FBXO42: variants seen among roughly 807,000 people sequenced by gnomAD.
FBXO42 encodes F-box protein 42.
FBXO42 carries 12 observed loss-of-function variants against 71.7 expected under a neutral mutation model. The ratio of observed to expected loss-of-function variants is 0.17; its 90% CI spans 0.11 to 0.27. FBXO42 has a LOEUF of 0.27. Ranked by LOEUF, FBXO42 falls within the 10% of genes least tolerant of loss-of-function variation. The probability of loss-of-function intolerance (pLI) is 1.00; values close to 1 mark genes in which losing one functional copy is unlikely to be tolerated. For missense variants in FBXO42, 707 were observed against 911.9 expected (o/e 0.78, Z 2.89); for synonymous variants, 325 against 327.5 (o/e 0.99, Z 0.08).
In FBXO42 at chr1:16,337,858, T is replaced by A. The variant is rs191877396; in HGVS notation, c.-18+14397A>T. 7.6e-3 allele frequency among the ~76,000 whole-genome samples: 801 copies of A among 104,930 alleles called. 5 individuals are homozygous for A. The highest frequency in any genetic ancestry group is 0.028 in the African/African-American group (767 of 27,454). 68.8% of individuals were successfully genotyped at this position (104,930 alleles called of 152,430 possible). Reference sequence around the variant, plus strand: ...GAGATCGCGCCACTGTACTCCAGCCTGGGAGAAAGAGCGAGACTCCGTCTC... The same window carrying A: ...GAGATCGCGCCACTGTACTCCAGCCAGGGAGAAAGAGCGAGACTCCGTCTC... On this transcript the variant is annotated intron_variant, in intron 1 of 9. Coordinates refer to ENST00000375592, the MANE Select transcript of FBXO42 (RefSeq NM_018994.3).
chr1:16,331,402 G>T (rs186144200), intron 1 of FBXO42, among the ~76,000 whole-genome samples: 1 of 149,336 alleles, frequency 6.7e-6, no homozygotes, highest in African/African-American at 2.5e-5. Context: ...GCGACAGAGC[G>T]AGACTCTGTC....
intron 4 of FBXO42, chr1:16,292,782 G>A (rs1212795003): frequency 1.3e-5 from 2 of 152,168 alleles, no homozygotes; most frequent in Non-Finnish European, 2.9e-5. Flanking sequence ...AATAAAGACA[G>A]TAATAGTATT....
intron 4 of FBXO42, among the ~76,000 whole-genome samples, chr1:16,282,220 C>CTTTTTTT (rs58853820): frequency 7.3e-6 from 1 of 136,250 alleles, no homozygotes; most frequent in African/African-American, 2.9e-5. Context: ...GAGACATTTT[C>CTTTTTTT]TTTTTTTTTT....
Position 16,247,320 on chromosome 1 carries a change from T to C in FBXO42, c.*3350A>G, listed in dbSNP as rs916867523. The C allele has an allele frequency of 2.6e-5, 4 of 152,074 alleles. No individual in the cohort carries two copies. Among genetic ancestry groups the C allele is most frequent in the African/African-American group, 7.3e-5 (3 of 41,368 alleles). The allele number at this position is 152,074 out of a possible 1,614,324, so 9.4% of individuals were successfully genotyped here. A position where few individuals can be genotyped will look rare whatever the true frequency, so the allele number is the denominator to read the frequency against. On this transcript the variant is annotated 3_prime_UTR_variant, in exon 10 of 10. Coordinates refer to ENST00000375592, the MANE Select transcript of FBXO42 (RefSeq NM_018994.3). ...TGCGCTGGTAAGAGACCATGGATAATGCAAAGTGGAGCATATCACCATGCC... is the reference window on the plus strand; with the variant it reads ...TGCGCTGGTAAGAGACCATGGATAACGCAAAGTGGAGCATATCACCATGCC...
intron 4 of FBXO42, among the ~76,000 whole-genome samples, chr1:16,264,649 G>A (rs1180643896): frequency 6.6e-6 from 1 of 152,140 alleles, no homozygotes; most frequent in African/African-American, 2.4e-5. Context: ...ACCCTCATGG[G>A]CTTCATTCCC....
chr1:16,310,193 CA>C lies in FBXO42; in HGVS notation c.251-4275del, dbSNP rs558283325. On this transcript the variant is annotated intron_variant, in intron 2 of 9. Coordinates refer to ENST00000375592, the MANE Select transcript of FBXO42 (RefSeq NM_018994.3). ...TGGGCAACAGAGCAAGACTCCATCTCAAAAAAAAAAAAAAAAAATTAGCCGG... is the reference window on the plus strand; with the variant it reads ...TGGGCAACAGAGCAAGACTCCATCTCAAAAAAAAAAAAAAAAATTAGCCGG... Among the ~76,000 whole-genome samples, 762 of 91,054 alleles carry C rather than the reference CA, an allele frequency of 8.4e-3. 2 individuals are homozygous for C. Among genetic ancestry groups the C allele is most frequent in the African/African-American group, 8.2e-3 (196 of 23,876 alleles). 59.7% of individuals were successfully genotyped at this position (91,054 alleles called of 152,430 possible). A position where few individuals can be genotyped will look rare whatever the true frequency, so the allele number is the denominator to read the frequency against.
chr1:16,262,335 T>C (rs1342941261), intron 4 of FBXO42, among the ~76,000 whole-genome samples: 1 of 152,218 alleles, frequency 6.6e-6, no homozygotes, highest in African/African-American at 2.4e-5. Context: ...TATTTCATAC[T>C]TTGAATTTGT....
At chr1:16,269,177 T>C (rs1331031798) in intron 4 of FBXO42, among the ~76,000 whole-genome samples, 1 of 149,564 alleles carries the variant, frequency 6.7e-6, no homozygotes, top group Non-Finnish European at 1.5e-5. Flanking sequence ...CAATTTCAGC[T>C]CCTGGGTTCA....
intron 1 of FBXO42, among the ~76,000 whole-genome samples, chr1:16,331,799 C>A (rs1053103113): frequency 6.6e-6 from 1 of 151,950 alleles, no homozygotes; most frequent in Non-Finnish European, 1.5e-5. Flanking sequence ...GCCTGTAATC[C>A]CAGCACTTTG....
At chr1:16,258,798 G>A (rs1270641428) in intron 4 of FBXO42, among the ~76,000 whole-genome samples, 1 of 151,898 alleles carries the variant, frequency 6.6e-6, no homozygotes, top group African/African-American at 2.4e-5. Context: ...GTGCAGTGAT[G>A]CGATCATGGC....
Position 16,250,549 on chromosome 1 carries a change from G to T in FBXO42, c.*121C>A. The T allele has an allele frequency of 9.2e-7, 1 of 1,087,104 alleles. No individual in the cohort carries two copies. The highest frequency in any genetic ancestry group is 1.3e-6 in the Non-Finnish European group (1 of 774,200). The allele number at this position is 1,087,104 out of a possible 1,614,324, so 67.3% of individuals were successfully genotyped here. Reference sequence around the variant, plus strand: ...ATCCCAGCCTGGAGTGACTTCGGTTGGGAATTAAAGAGTTTTGGCTTCTGG... The same window carrying T: ...ATCCCAGCCTGGAGTGACTTCGGTTTGGAATTAAAGAGTTTTGGCTTCTGG... On this transcript the variant is annotated 3_prime_UTR_variant, in exon 10 of 10. Transcript: ENST00000375592. The surrounding 1 kb of genome is among the most constrained non-coding windows in gnomAD (Gnocchi z 4.7).
intron 4 of FBXO42, among the ~76,000 whole-genome samples, chr1:16,264,800 TA>T (rs2081753563): frequency 1.3e-5 from 2 of 152,344 alleles, no homozygotes; most frequent in East Asian, 3.9e-4. Flanking sequence ...TAACATTCCC[TA>T]AAACTGCTAA....
chr1:16,338,064 C>G (rs1019523970), intron 1 of FBXO42, among the ~76,000 whole-genome samples: 26 of 151,724 alleles, frequency 1.7e-4, no homozygotes, highest in African/African-American at 6.3e-4. Context: ...TCAAGACCAT[C>G]CTGGCTAACA....
In FBXO42 at chr1:16,253,676, T is replaced by A; in HGVS notation, c.823A>T (p.Ile275Phe). The A allele has an allele frequency of 6.2e-7, 1 of 1,614,224 alleles. No individual in the cohort carries two copies. The highest frequency in any genetic ancestry group is 8.5e-7 in the Non-Finnish European group (1 of 1,180,032). The stretch of plus-strand genomic sequence containing the variant: ...CGAGGATGAGGACTGGGGCCAGAGA[T>A]GTTCGGCTTGGACCACGCCCACTGC... Reference protein sequence around the residue: ...LEQWAWSKPNISGPSPHPRGG... With the variant: ...LEQWAWSKPNFSGPSPHPRGG... Residue 275 changes from isoleucine (I) to phenylalanine (F), a missense_variant, in exon 7 of 10, where the codon ATC becomes TTC. Around this residue, in one of 5 missense-constraint regions of FBXO42, gnomAD observed 482 missense variants for 587.1 expected, o/e 0.82. Coordinates refer to ENST00000375592, the MANE Select transcript of FBXO42 (RefSeq NM_018994.3).
chr1:16,274,588 G>GTT (rs533547281), intron 4 of FBXO42, among the ~76,000 whole-genome samples: 5,969 of 53,428 alleles, frequency 0.11, 438 homozygotes, highest in East Asian at 0.15. Context: ...TTATGCCCCC[G>GTT]TTTTTTTTTT....
rs186585329 is a variant in FBXO42, at chr1:16,341,133, G to A, written c.-18+11122C>T. Among the ~76,000 whole-genome samples, 328 of 152,252 alleles carry A rather than the reference G, an allele frequency of 2.2e-3. 2 individuals carry two copies. Among genetic ancestry groups the A allele is most frequent in the Non-Finnish European group, 3.6e-3 (245 of 68,020 alleles). ...TGAAAAGACCAAGAGGCTGAGCAGC[G>A]TATATAGTAGGAAAACCTTTTGCAT... On this transcript the variant is annotated intron_variant, in intron 1 of 9. Coordinates refer to ENST00000375592, the MANE Select transcript of FBXO42 (RefSeq NM_018994.3).
chr1:16,326,868 T>A (rs1569928717), intron 1 of FBXO42, among the ~76,000 whole-genome samples: 1 of 152,106 alleles, frequency 6.6e-6, no homozygotes, highest in Non-Finnish European at 1.5e-5. Context: ...ATCTAAGTAA[T>A]GGCTAAAGGC....
At chr1:16,311,495 AAAAAAAAAATAT>A (rs1557596950) in intron 2 of FBXO42, among the ~76,000 whole-genome samples, 2 of 90,594 alleles carry the variant, frequency 2.2e-5, no homozygotes, top group African/African-American at 8.4e-5. Flanking sequence ...CTCAAAAAAA[AAAAAAAAAATAT>A]ATATATATAT....
intron 1 of FBXO42, among the ~76,000 whole-genome samples, chr1:16,334,418 CAAAA>C (rs757658037): frequency 1.9e-5 from 1 of 52,788 alleles, no homozygotes; most frequent in Non-Finnish European, 3.9e-5. Context: ...GACTCCGCCT[CAAAA>C]AAAAAAAAAA....
Sources: allele counts gnomAD v4.1 joint callset (sites outside exome capture counted in the v4.1 genomes callset), GRCh38; gene constraint gnomAD v4.1.1; regional missense constraint gnomAD v4.1.1; non-coding constraint Gnocchi (gnomAD v3.1); transcripts MANE v1.5; gene names NCBI Gene and HGNC (gene_info 2026-07-23, HGNC 2026-07-21).